CHCHD3: variants seen among roughly 807,000 people sequenced by gnomAD.
The protein encoded by CHCHD3 is coiled-coil-helix-coiled-coil-helix domain containing 3.
A neutral mutation model predicts 38.2 loss-of-function variants in CHCHD3; 20 were observed. The observed-to-expected ratio is 0.52, with a 90% confidence interval of 0.37 to 0.76. The LOEUF (loss-of-function observed/expected upper bound fraction) is 0.76. Ranked by LOEUF, CHCHD3 falls within the 30% of genes least tolerant of loss-of-function variation. The pLI, the probability that CHCHD3 is intolerant of heterozygous loss-of-function variation, is 0.00. For synonymous variants in CHCHD3, 82 were observed against 100.0 expected, an observed-to-expected ratio of 0.82 and a Z score of 1.07; for missense variants, 245 against 279.2, an observed-to-expected ratio of 0.88 and a Z score of 0.87.
intron 3 of CHCHD3, among the ~76,000 whole-genome samples, chr7:132,997,499 C>T (rs58702778): frequency 6.6e-6 from 1 of 152,114 alleles, no homozygotes; most frequent in South Asian, 2.1e-4. Flanking sequence ...TTTACACTTT[C>T]TACTATTTGA....
intron 3 of CHCHD3, among the ~76,000 whole-genome samples, chr7:132,989,658 A>T (rs1236204697): frequency 6.6e-6 from 1 of 152,206 alleles, no homozygotes; most frequent in Non-Finnish European, 1.5e-5. Flanking sequence ...TTTGAAAAGT[A>T]TTCTGATTTT....
chr7:132,865,677 A>G (rs545392474), intron 5 of CHCHD3, among the ~76,000 whole-genome samples: 1 of 146,658 alleles, frequency 6.8e-6, no homozygotes, highest in Non-Finnish European at 1.5e-5. Flanking sequence ...AAACTGTTTT[A>G]AAGGAAGGGG....
In CHCHD3 at chr7:133,034,814, G is replaced by A. The variant is rs752269935; in HGVS notation, c.170-10187C>T. On this transcript the variant is annotated intron_variant, in intron 2 of 7. Coordinates refer to ENST00000262570, the MANE Select transcript of CHCHD3 (RefSeq NM_017812.4). ...GGAAGACCCAGACTCCAGAAATGGA[G>A]CTGCTATTGTTGGTTCCAAAAAGGA... is the stretch of plus-strand genomic sequence containing the variant. The A allele has an allele frequency of 3.1e-6, 5 of 1,611,994 alleles. No homozygotes were observed. In the South Asian group the frequency reaches 3.3e-5, roughly 11 times the overall value.
intron 4 of CHCHD3, among the ~76,000 whole-genome samples, chr7:132,935,013 G>A (rs1810602955): frequency 6.6e-6 from 1 of 152,160 alleles, no homozygotes; most frequent in African/African-American, 2.4e-5. Context: ...AAAAAAGGGA[G>A]GAAGCCTCTG....
chr7:133,001,048 A>G (rs994676818), intron 3 of CHCHD3, among the ~76,000 whole-genome samples: 1 of 152,164 alleles, frequency 6.6e-6, no homozygotes, highest in Admixed American at 6.5e-5. Context: ...AATTTCTAAG[A>G]TCTTTATTAA....
chr7:132,942,863 G>T (rs991349118), intron 4 of CHCHD3, among the ~76,000 whole-genome samples: 1 of 152,150 alleles, frequency 6.6e-6, no homozygotes, highest in Non-Finnish European at 1.5e-5. Flanking sequence ...AATAAGAAAA[G>T]CTACATCCCA....
chr7:132,859,568 T>G (rs1290947595), intron 5 of CHCHD3, among the ~76,000 whole-genome samples: 2 of 152,224 alleles, frequency 1.3e-5, no homozygotes, highest in Non-Finnish European at 2.9e-5. Context: ...AAATTTAGAT[T>G]AGCCAGAGAC....
intron 5 of CHCHD3, among the ~76,000 whole-genome samples, chr7:132,842,041 T>C (rs1323486805): frequency 6.6e-6 from 1 of 151,946 alleles, no homozygotes; most frequent in Non-Finnish European, 1.5e-5. Flanking sequence ...GAGGTTGCAG[T>C]GAGCCAAGAT....
At chr7:133,081,116 C>T (rs1422024113) in intron 1 of CHCHD3, among the ~76,000 whole-genome samples, 1 of 152,132 alleles carries the variant, frequency 6.6e-6, no homozygotes, top group African/African-American at 2.4e-5. Context: ...AAAAAGTGCT[C>T]TACAACGTTG....
At chr7:132,966,545 T>C (rs964827532) in intron 4 of CHCHD3, among the ~76,000 whole-genome samples, 1 of 152,208 alleles carries the variant, frequency 6.6e-6, no homozygotes, top group East Asian at 1.9e-4. Context: ...GCAGGCGTCA[T>C]TGCACATGGT....
At chr7:132,828,878 T>C (rs1194827955) in intron 6 of CHCHD3, among the ~76,000 whole-genome samples, 1 of 152,118 alleles carries the variant, frequency 6.6e-6, no homozygotes, top group East Asian at 1.9e-4. Flanking sequence ...GATAACTTCT[T>C]TGATAAAATC....
At chr7:132,880,376 A>T (rs1162947029) in intron 5 of CHCHD3, among the ~76,000 whole-genome samples, 1 of 152,222 alleles carries the variant, frequency 6.6e-6, no homozygotes, top group African/African-American at 2.4e-5. Flanking sequence ...AATGCTCAGT[A>T]AATGTTATCA....
rs115602215 is a variant in CHCHD3 at position 132,950,500 on chromosome 7, T to C, written c.369+24669A>G. ...ATACCTTACAAAACATTTGTCATCTTATAAGATGCAAATCACATTGATTCC... is the reference window on the plus strand; with the variant it reads ...ATACCTTACAAAACATTTGTCATCTCATAAGATGCAAATCACATTGATTCC... On this transcript the variant is annotated intron_variant, in intron 4 of 7. Coordinates refer to ENST00000262570, the MANE Select transcript of CHCHD3 (RefSeq NM_017812.4). 2.3e-3 allele frequency among the ~76,000 whole-genome samples: 348 copies of C among 152,294 alleles called. 2 individuals are homozygous for C. The highest frequency in any genetic ancestry group is 7.7e-3 in the African/African-American group (322 of 41,550).
intron 2 of CHCHD3, among the ~76,000 whole-genome samples, chr7:133,046,346 T>C (rs1163427468): frequency 6.6e-6 from 1 of 152,208 alleles, no homozygotes; most frequent in African/African-American, 2.4e-5. Flanking sequence ...TTAGCCACAG[T>C]ACCTGTGATT....
At chr7:132,871,938 A>T (rs996228692) in intron 5 of CHCHD3, among the ~76,000 whole-genome samples, 11 of 152,106 alleles carry the variant, frequency 7.2e-5, no homozygotes, top group African/African-American at 2.7e-4. Flanking sequence ...AAAGTTGGGG[A>T]AAAAAAAGTA....
intron 2 of CHCHD3, among the ~76,000 whole-genome samples, chr7:133,067,944 G>A (rs933694196): frequency 2.0e-4 from 31 of 151,980 alleles, no homozygotes; most frequent in African/African-American, 7.0e-4. Flanking sequence ...GTGAAACCCC[G>A]TCTCTACTAA....
intron 3 of CHCHD3, among the ~76,000 whole-genome samples, chr7:132,990,034 G>T (rs561788048): frequency 6.6e-6 from 1 of 152,066 alleles, no homozygotes; most frequent in Non-Finnish European, 1.5e-5. Context: ...TTAGCCGGGC[G>T]TGGTGGTGGG....
intron 4 of CHCHD3, among the ~76,000 whole-genome samples, chr7:132,910,529 C>T (rs1809920000): frequency 1.3e-5 from 2 of 152,168 alleles, no homozygotes; most frequent in African/African-American, 4.8e-5. Context: ...TCTGCAGTTT[C>T]CCTTTGTATA....
At chr7:132,810,264 T>G in intron 6 of CHCHD3, among the ~76,000 whole-genome samples, 1 of 152,210 alleles carries the variant, frequency 6.6e-6, no homozygotes, top group Non-Finnish European at 1.5e-5. Flanking sequence ...TTCGAAGTAT[T>G]TTATAGCTAA....
Sources: gnomAD v4.1 joint callset for allele counts (sites outside exome capture counted in the v4.1 genomes callset) on GRCh38, gnomAD v4.1.1 for gene constraint, MANE v1.5 for transcripts, NCBI Gene and HGNC (gene_info 2026-07-23, HGNC 2026-07-21) for gene names.